ABHD18: variants seen among roughly 807,000 people sequenced by gnomAD.
ABHD18 encodes abhydrolase domain containing 18, also known as cardiolipin-specific deacylase, mitochondrial.
A neutral mutation model predicts 65.9 loss-of-function variants in ABHD18; 55 were observed. That is an observed-to-expected ratio of 0.84 (90% CI 0.67 to 1.05). ABHD18 has a LOEUF of 1.05. ABHD18 is among the 50% of genes least tolerant of loss of function. ABHD18 has a pLI of 0.00. For synonymous variants in ABHD18, 181 were observed against 180.2 expected (o/e 1.00, Z -0.04); for missense variants, 533 against 558.5 (o/e 0.95, Z 0.46).
chr4:128,028,370 C>T, intron 10 of ABHD18, 105 bp from the exon 11 acceptor site: 3 of 801,074 alleles, frequency 3.7e-6, no homozygotes, highest in South Asian at 2.7e-5. Context: ...TTTATTTATC[C>T]ATTTATTCAT....
chr4:128,002,728 C>A (rs1482476917), intron 4 of ABHD18, among the ~76,000 whole-genome samples: 1 of 152,122 alleles, frequency 6.6e-6, no homozygotes, highest in Non-Finnish European at 1.5e-5. Flanking sequence ...ACGACAAGCC[C>A]TGTCTCCTGA....
intron 1 of ABHD18, among the ~76,000 whole-genome samples, chr4:127,979,669 A>T (rs1215132758): frequency 6.6e-6 from 1 of 152,146 alleles, no homozygotes; most frequent in Non-Finnish European, 1.5e-5. Flanking sequence ...TAATCCCAGC[A>T]CTTTGGGAGG....
At chr4:127,992,913 A>C (rs951310828) in intron 4 of ABHD18, among the ~76,000 whole-genome samples, 1 of 152,084 alleles carries the variant, frequency 6.6e-6, no homozygotes, top group African/African-American at 2.4e-5. Flanking sequence ...TGAGCAACGT[A>C]GAAAGACCCT....
In ABHD18 at chr4:128,016,141, A is replaced by G. The variant is rs185880078; in HGVS notation, c.471-1222A>G. Among the ~76,000 whole-genome samples, 382 of 151,770 alleles carry G rather than the reference A, an allele frequency of 2.5e-3. 1 individual carries two copies. Among genetic ancestry groups the G allele is most frequent in the South Asian group, 0.016 (78 of 4,812 alleles). On this transcript the variant is annotated intron_variant, in intron 7 of 12. Transcript: ENST00000645843. ...GCTAATTTTTGTATTTTTAGTAGAG[A>G]CAGGGTTTTATCCTATTGGTCAGGC... is the stretch of plus-strand genomic sequence containing the variant.
Position 128,028,714 on chromosome 4 carries a change from C to G in ABHD18, c.1041C>G (p.Asn347Lys). The G allele has an allele frequency of 6.2e-7, 1 of 1,613,924 alleles. No homozygotes were observed. The highest frequency in any genetic ancestry group is 8.5e-7 in the Non-Finnish European group (1 of 1,179,874). Residue 347 changes from asparagine to lysine, a missense_variant, in exon 11 of 13, where the codon AAC becomes AAG. Physicochemically the swap from Asn to Lys is moderately conservative, Grantham distance 94. Around this residue, in one of 3 missense-constraint regions of ABHD18, gnomAD observed 220 missense variants for 226.8 expected, o/e 0.97. Coordinates refer to ENST00000645843, the MANE Select transcript of ABHD18 (RefSeq NM_001358451.3). ...MKRFNQTLSTNKSGYTSRNPQ... is the reference protein window; with the variant it reads ...MKRFNQTLSTKKSGYTSRNPQ... Reference sequence around the variant, plus strand: ...GCTTCAATCAAACACTTTCAACCAACAAAAGTGGTTATACAAGTCGCAACC... The same window carrying G: ...GCTTCAATCAAACACTTTCAACCAAGAAAAGTGGTTATACAAGTCGCAACC...
intron 12 of ABHD18, 140 bp downstream of exon 12, chr4:128,030,812 A>T (rs1579478141): frequency 7.8e-7 from 1 of 1,280,872 alleles, no homozygotes; most frequent in African/African-American, 1.6e-5. Context: ...CACAAATCTC[A>T]CAGAGTTACT....
At position 128,030,577 on chromosome 4, in the gene ABHD18, A is replaced by G. The variant is rs1758064064; in HGVS notation, c.1248A>G (p.Gly416=). ...AAGATGCCTATATTCCACGAACAGG[A>G]GTTCGAAGTTTACAAGAAATTTGGC... is the stretch of plus-strand genomic sequence containing the variant. ...AKEDAYIPRT[G]VRSLQEIWPG... The change falls in exon 12 of 13, where the codon GGA becomes GGG. Residue 416 remains glycine (G), a synonymous_variant. Transcript: ENST00000645843. 1 of 1,609,106 alleles carries G rather than the reference A, an allele frequency of 6.2e-7. No homozygotes were observed. Among genetic ancestry groups the G allele is most frequent in the South Asian group, 1.1e-5 (1 of 89,796 alleles).
chr4:128,026,661 A>G (rs1757413324), intron 10 of ABHD18, among the ~76,000 whole-genome samples: 1 of 152,134 alleles, frequency 6.6e-6, no homozygotes, highest in African/African-American at 2.4e-5. Context: ...TGGTTTTAGC[A>G]TATAACAAAG....
At chr4:128,005,891 G>T (rs1753521754) in intron 4 of ABHD18, among the ~76,000 whole-genome samples, 1 of 152,130 alleles carries the variant, frequency 6.6e-6, no homozygotes, top group Non-Finnish European at 1.5e-5. Context: ...TATGTCATGG[G>T]CAGTCTGGCC....
rs151326366 is a variant in ABHD18 at position 127,991,631 on chromosome 4, C to T, written c.278+1810C>T. On this transcript the variant is annotated intron_variant, in intron 4 of 12. Coordinates refer to ENST00000645843, the MANE Select transcript of ABHD18 (RefSeq NM_001358451.3). The stretch of plus-strand genomic sequence containing the variant: ...GCTAATTTTATTTAAAAAGAACAAA[C>T]TACTGTACTTTTTTTCCCCTACACT... Among the ~76,000 whole-genome samples, 54 of 152,280 alleles carry T rather than the reference C, an allele frequency of 3.5e-4. No individual in the cohort carries two copies. In the East Asian group the frequency reaches 5.0e-3, roughly 14 times the overall value.
In ABHD18 at chr4:128,032,590, G is replaced by A. The variant is rs183740012; in HGVS notation, c.1343+1918G>A. 4.3e-3 allele frequency among the ~76,000 whole-genome samples: 651 copies of A among 152,210 alleles called. 2 individuals carry two copies. The highest frequency in any genetic ancestry group is 6.6e-3 in the Non-Finnish European group (448 of 68,010). ...AGTCCCAGCTACTCAGGAGGCTGAGGCAGGAGAACCGCTTGAACCTGGGAG... is the reference window on the plus strand; with the variant it reads ...AGTCCCAGCTACTCAGGAGGCTGAGACAGGAGAACCGCTTGAACCTGGGAG... On this transcript the variant is annotated intron_variant, in intron 12 of 12. Coordinates refer to ENST00000645843, the MANE Select transcript of ABHD18 (RefSeq NM_001358451.3).
intron 4 of ABHD18, chr4:128,001,899 A>G: frequency 9.7e-7 from 1 of 1,030,788 alleles, no homozygotes; most frequent in Non-Finnish European, 1.3e-6. Flanking sequence ...TTCAGTTTGA[A>G]AAAAACAGAT....
intron 4 of ABHD18, among the ~76,000 whole-genome samples, chr4:127,999,312 G>A (rs1400011830): frequency 6.6e-6 from 1 of 151,988 alleles, no homozygotes; most frequent in African/African-American, 2.4e-5. Flanking sequence ...TAAGAAAGTA[G>A]CCTTCTGGTG....
intron 6 of ABHD18, among the ~76,000 whole-genome samples, chr4:128,011,150 A>AT (rs766141488): frequency 0.021 from 2,997 of 141,498 alleles, 113 homozygotes; most frequent in African/African-American, 0.067. Context: ...GTGATATATG[A>AT]TTTTTTTTTT....
intron 1 of ABHD18, among the ~76,000 whole-genome samples, chr4:127,977,964 CTTGA>C (rs1178445642): frequency 6.6e-6 from 1 of 151,948 alleles, no homozygotes; most frequent in African/African-American, 2.4e-5. Flanking sequence ...AGGTATATCT[CTTGA>C]TGAGAAGACT....
rs767885899 is a variant in ABHD18, at chr4:127,965,443, C to T, written c.-181C>T. The T allele has an allele frequency of 1.3e-5, 7 of 523,884 alleles. No homozygotes were observed. Among genetic ancestry groups the T allele is most frequent in the Non-Finnish European group, 2.4e-5 (7 of 287,794 alleles). 32.5% of individuals were successfully genotyped at this position (523,884 alleles called of 1,614,324 possible). On this transcript the variant is annotated 5_prime_UTR_variant, in exon 1 of 13. Transcript: ENST00000645843. ...CGCCCTGCTCCGGGTTTGTCTTCCT[C>T]CCTCCGTTTCTCCTTCCGCTGTATC...
At chr4:128,031,324 G>C (rs1758181109) in intron 12 of ABHD18, 1 of 163,520 alleles carries the variant, frequency 6.1e-6, no homozygotes, top group Non-Finnish European at 1.3e-5. Context: ...AAAGTAGCCG[G>C]GCATAGGTGG....
chr4:127,980,430 A>G (rs1748810959), intron 1 of ABHD18, among the ~76,000 whole-genome samples: 2 of 145,938 alleles, frequency 1.4e-5, no homozygotes, highest in African/African-American at 5.0e-5. Context: ...AGAGCAAGAC[A>G]GTGTGTGTAG....
At chr4:127,973,969 T>G (rs1747376342) in intron 1 of ABHD18, among the ~76,000 whole-genome samples, 1 of 151,920 alleles carries the variant, frequency 6.6e-6, no homozygotes, top group Admixed American at 6.6e-5. Flanking sequence ...AGCTGACACC[T>G]TGATTGAAGC....
Sources: gnomAD v4.1 joint callset for allele counts (sites outside exome capture counted in the v4.1 genomes callset) on GRCh38, gnomAD v4.1.1 for gene constraint, gnomAD v4.1.1 regional missense constraint, MANE v1.5 for transcripts, NCBI Gene and HGNC (gene_info 2026-07-23, HGNC 2026-07-21) for gene names.